Variants in C2CD3 observed in about 807,000 individuals in gnomAD.
C2CD3 encodes the protein C2 domain containing 3 centriole elongation regulator, also known as C2 domain-containing protein 3.
A neutral mutation model predicts 234.0 loss-of-function variants in C2CD3; 148 were observed. The ratio of observed to expected loss-of-function variants is 0.63; its 90% CI spans 0.55 to 0.72. The LOEUF is 0.72. Ranked by LOEUF, C2CD3 falls within the 30% of genes least tolerant of loss-of-function variation. The probability of loss-of-function intolerance (pLI) is 0.00; values close to 1 mark genes in which losing one functional copy is unlikely to be tolerated. For missense variants in C2CD3, 2,577 were observed against 2,811.5 expected, an observed-to-expected ratio of 0.92 and a Z score of 1.89; for synonymous variants, 1,000 against 1,035.4, an observed-to-expected ratio of 0.97 and a Z score of 0.66.
At position 74,088,177 on chromosome 11, in the gene C2CD3, T is replaced by C. The variant is rs552332798; in HGVS notation, c.3642-2291A>G. Reference sequence around the variant, plus strand: ...TTATCTATACAAGTGGAAGTAATCATAAAAATCTGTATATTTGTACAATAG... The same window carrying C: ...TTATCTATACAAGTGGAAGTAATCACAAAAATCTGTATATTTGTACAATAG... On this transcript the variant is annotated intron_variant, in intron 20 of 32. Coordinates refer to ENST00000334126, the MANE Select transcript of C2CD3 (RefSeq NM_001286577.2). Among the ~76,000 whole-genome samples, 3 of 152,372 alleles carry C rather than the reference T, an allele frequency of 2.0e-5. No homozygotes were observed. The South Asian group carries it at 6.2e-4, about 32-fold the overall frequency.
intron 2 of C2CD3, among the ~76,000 whole-genome samples, chr11:74,162,666 A>G (rs564229207): frequency 1.3e-5 from 2 of 152,360 alleles, no homozygotes; most frequent in Non-Finnish European, 2.9e-5. Context: ...AATACCACAC[A>G]CTGAGGAAAA....
Position 74,028,358 on chromosome 11 carries a change from G to C in C2CD3, c.6850C>G (p.Gln2284Glu). ...IVVPNFFLPP[Q>E]QLEASLRMLS... ...ATCCGCAGGGAAGCCTCCAACTGCT[G>C]GGGAGGCAAAAAGAAGTTGGGCACC... The change falls in exon 32 of 33, where the codon CAG becomes GAG. Residue 2284 changes from glutamine to glutamate, a missense_variant. Physicochemically the swap from Gln to Glu is conservative, Grantham distance 29. Transcript: ENST00000334126. 6.5e-7 allele frequency: 1 copy of C among 1,535,948 alleles called. No homozygotes were observed. The highest frequency in any genetic ancestry group is 8.7e-7 in the Non-Finnish European group (1 of 1,146,824).
chr11:74,033,391 T>C lies in C2CD3; in HGVS notation c.6769A>G (p.Thr2257Ala). ...DSSDIRQRQV[T>A]TGSETSTKQS... ...TTTGTGGACGTCTCTGATCCAGTTGTCACCTGCCTCTGCCTGATGTCAGAG... is the reference window on the plus strand; with the variant it reads ...TTTGTGGACGTCTCTGATCCAGTTGCCACCTGCCTCTGCCTGATGTCAGAG... Residue 2257 changes from threonine to alanine, a missense_variant, in exon 31 of 33, where the codon ACA (threonine) becomes GCA (alanine). Transcript: ENST00000334126. 6.5e-7 allele frequency: 1 copy of C among 1,536,158 alleles called. No homozygotes were observed. The highest frequency in any genetic ancestry group is 8.7e-7 in the Non-Finnish European group (1 of 1,146,896).
intron 24 of C2CD3, among the ~76,000 whole-genome samples, chr11:74,066,452 G>GAAAA (rs55672870): frequency 1.3e-5 from 2 of 148,382 alleles, no homozygotes; most frequent in Admixed American, 1.4e-4. Flanking sequence ...AAGAAAGAAA[G>GAAAA]AAAAAAAAAC....
At chr11:74,065,661 C>G (rs1470965929) in intron 24 of C2CD3, among the ~76,000 whole-genome samples, 5 of 152,052 alleles carry the variant, frequency 3.3e-5, no homozygotes, top group Admixed American at 2.6e-4. Context: ...TTGGAACCAA[C>G]CCACATGTCC....
intron 3 of C2CD3, among the ~76,000 whole-genome samples, chr11:74,149,966 C>A (rs540969368): frequency 6.6e-6 from 1 of 151,996 alleles, no homozygotes; most frequent in Non-Finnish European, 1.5e-5. Context: ...GTCTTCTGGA[C>A]GCTAATGTGG....
rs754146208 is a variant in C2CD3, at chr11:74,161,438, G to C, written c.444C>G (p.Thr148=). 5 of 1,598,272 alleles carry C rather than the reference G, an allele frequency of 3.1e-6. No homozygotes were observed. Among genetic ancestry groups the C allele is most frequent in the Non-Finnish European group, 4.3e-6 (5 of 1,171,776 alleles). Residue 148 remains threonine (T), a synonymous_variant, in exon 3 of 33, where the codon ACC becomes ACG. Coordinates refer to ENST00000334126, the MANE Select transcript of C2CD3 (RefSeq NM_001286577.2). ...GTTTCTTAGACGTTGATGAAACAAT[G>C]GTAAAAAATCCATTGATTTGATGGG... is the stretch of plus-strand genomic sequence containing the variant. ...SPTHQINGFF[T]IVSSTSKKLG...
chr11:74,049,373 C>T lies in C2CD3; in HGVS notation c.5325G>A (p.Arg1775=), dbSNP rs746068821. 2.9e-5 allele frequency: 47 copies of T among 1,614,036 alleles called. No homozygotes were observed. Among genetic ancestry groups the T allele is most frequent in the Non-Finnish European group, 3.9e-5 (46 of 1,179,994 alleles). ...AGGTCTCCACTCCACGCCTTGCTTGCCTTTCTTCTTTGAAGTGTATCAAAC... is the reference window on the plus strand; with the variant it reads ...AGGTCTCCACTCCACGCCTTGCTTGTCTTTCTTCTTTGAAGTGTATCAAAC... ...LESLIHFKEE[R]QARRGVETSK... The change falls in exon 27 of 33, where the codon AGG becomes AGA. Residue 1775 remains arginine (R), a synonymous_variant. Transcript: ENST00000334126.
chr11:74,084,187 A>C (rs979501918), intron 22 of C2CD3, among the ~76,000 whole-genome samples: 5 of 152,102 alleles, frequency 3.3e-5, no homozygotes, highest in Admixed American at 1.3e-4. Flanking sequence ...GCAAACTATC[A>C]CAAGGACAGA....
At chr11:74,115,891 A>G (rs541176446) in intron 9 of C2CD3, among the ~76,000 whole-genome samples, 1 of 152,342 alleles carries the variant, frequency 6.6e-6, no homozygotes, top group Admixed American at 6.5e-5. Flanking sequence ...ACCCTATTCA[A>G]CAAATGGTGC....
chr11:74,062,614 C>G (rs1368803961), intron 24 of C2CD3, among the ~76,000 whole-genome samples: 1 of 152,110 alleles, frequency 6.6e-6, no homozygotes, highest in African/African-American at 2.4e-5. Context: ...CTCTGGGACA[C>G]ATTTAAAGCA....
intron 15 of C2CD3, among the ~76,000 whole-genome samples, chr11:74,099,639 GTAACACCA>G (rs1262341402): frequency 6.6e-6 from 1 of 152,198 alleles, no homozygotes; most frequent in African/African-American, 2.4e-5. Flanking sequence ...GCTCATGCCT[GTAACACCA>G]TAACTTTGGG....
At position 74,098,034 on chromosome 11, in the gene C2CD3, T is replaced by C; in HGVS notation, c.2954A>G (p.Gln985Arg). Reference protein sequence around the residue: ...FSPRPAHFLDQPTAASVAMAE... With the variant: ...FSPRPAHFLDRPTAASVAMAE... ...CATAGCAACAGATGCTGCAGTTGGC[T>C]GGTCCAGGAAATGGGCTGGCCTAGG... is the stretch of plus-strand genomic sequence containing the variant. Residue 985 changes from glutamine to arginine, a missense_variant, in exon 16 of 33, where the codon CAG becomes CGG. Coordinates refer to ENST00000334126, the MANE Select transcript of C2CD3 (RefSeq NM_001286577.2). 2 of 1,614,128 alleles carry C rather than the reference T, an allele frequency of 1.2e-6. No homozygotes were observed. The highest frequency in any genetic ancestry group is 8.5e-7 in the Non-Finnish European group (1 of 1,179,968).
chr11:74,019,275 C>T, intron 32 of C2CD3, among the ~76,000 whole-genome samples: 1 of 152,114 alleles, frequency 6.6e-6, no homozygotes, highest in East Asian at 1.9e-4. Flanking sequence ...CTATGAGCCC[C>T]TTCCTAAAAA....
At chr11:74,161,267 A>G (rs1483691997) in intron 3 of C2CD3, 132 bp downstream of exon 3, 7 of 503,652 alleles carry the variant, frequency 1.4e-5, no homozygotes, top group Non-Finnish European at 3.4e-6. Flanking sequence ...GGGTAAAAAC[A>G]TGGGCAAAGG....
chr11:74,170,614 T>G, intron 1 of C2CD3, 124 bp downstream of exon 1: 1 of 1,137,340 alleles, frequency 8.8e-7, no homozygotes, highest in African/African-American at 1.5e-5. Flanking sequence ...ACCTTCTGGT[T>G]CCCTGGCTAC....
intron 31 of C2CD3, 36 bp from the exon 32 acceptor site, chr11:74,028,434 G>A (rs1321140221): frequency 1.5e-6 from 2 of 1,372,140 alleles, no homozygotes; most frequent in Non-Finnish European, 2.0e-6. Flanking sequence ...ATACCTAGAA[G>A]TCCACCCCTC....
chr11:74,048,132 G>A, intron 28 of C2CD3, 73 bp downstream of exon 28: 1 of 1,478,018 alleles, frequency 6.8e-7, no homozygotes. Context: ...AAAGGAAAGA[G>A]AGAAATGATA....
At chr11:74,040,644 T>G (rs1952991622) in intron 29 of C2CD3, among the ~76,000 whole-genome samples, 2 of 152,050 alleles carry the variant, frequency 1.3e-5, no homozygotes, top group Admixed American at 1.3e-4. Flanking sequence ...TAATCCCAGC[T>G]ACTTGGGAGT....
Sources: gnomAD v4.1 joint callset for allele counts (sites outside exome capture counted in the v4.1 genomes callset) on GRCh38, gnomAD v4.1.1 for gene constraint, MANE v1.5 for transcripts, NCBI Gene and HGNC (gene_info 2026-07-23, HGNC 2026-07-21) for gene names.